The following TRPS1 variants were observed in gnomAD, a reference collection of about 807,000 sequenced individuals.
The protein encoded by TRPS1 is zinc finger transcription factor Trps1.
TRPS1 carries 6 observed loss-of-function variants against 101.2 expected under a neutral mutation model. The ratio of observed to expected loss-of-function variants is 0.06; its 90% CI spans 0.03 to 0.12. The LOEUF is 0.12. Among genes scored for constraint, TRPS1 ranks in the 10% least tolerant of loss-of-function variants. The pLI, the probability that TRPS1 is intolerant of heterozygous loss-of-function variation, is 1.00. For synonymous variants in TRPS1, 578 were observed against 589.8 expected (o/e 0.98, Z 0.29); for missense variants, 1,363 against 1,567.0 (o/e 0.87, Z 2.20).
intron 1 of TRPS1, among the ~76,000 whole-genome samples, chr8:115,643,657 G>T (rs112465200): frequency 7.2e-5 from 11 of 152,258 alleles, no homozygotes; most frequent in African/African-American, 2.6e-4. Context: ...ATGAGAGCTG[G>T]AATCAACTTC....
chr8:115,579,167 A>G (rs564321718), intron 5 of TRPS1, among the ~76,000 whole-genome samples: 16 of 152,262 alleles, frequency 1.1e-4, no homozygotes, highest in South Asian at 1.0e-3. Flanking sequence ...ATGGAAAGGT[A>G]GTAAGCTTAA....
intron 1 of TRPS1, among the ~76,000 whole-genome samples, chr8:115,624,906 T>C (rs1053240656): frequency 6.6e-6 from 1 of 151,884 alleles, no homozygotes; most frequent in Non-Finnish European, 1.5e-5. Context: ...TATCATTATC[T>C]AGATACTGTA....
At chr8:115,551,736 A>G (rs2130341634) in intron 5 of TRPS1, among the ~76,000 whole-genome samples, 1 of 152,298 alleles carries the variant, frequency 6.6e-6, no homozygotes, top group East Asian at 1.9e-4. Context: ...AGCATAATTG[A>G]GCAAAATATG....
intron 5 of TRPS1, among the ~76,000 whole-genome samples, chr8:115,522,763 G>T (rs1269707612): frequency 6.6e-6 from 1 of 151,994 alleles, no homozygotes; most frequent in Non-Finnish European, 1.5e-5. Context: ...TAATACATTG[G>T]TCTTACAGCA....
chr8:115,637,104 G>T (rs1818787581), intron 1 of TRPS1: 1 of 259,660 alleles, frequency 3.9e-6, no homozygotes, highest in Non-Finnish European at 6.0e-6. Context: ...AGAGAAGTAA[G>T]AATTGCACAG....
intron 5 of TRPS1, among the ~76,000 whole-genome samples, chr8:115,499,502 T>C (rs922406566): frequency 6.6e-6 from 1 of 152,036 alleles, no homozygotes; most frequent in African/African-American, 2.4e-5. Flanking sequence ...GAAGACAAAA[T>C]CTTCTTTTTA....
chr8:115,520,805 T>C (rs1815840519), intron 5 of TRPS1, among the ~76,000 whole-genome samples: 2 of 151,854 alleles, frequency 1.3e-5, no homozygotes. Flanking sequence ...GCCATTACCT[T>C]ATTGGACAGT....
At chr8:115,452,064 A>T (rs535843389) in intron 5 of TRPS1, among the ~76,000 whole-genome samples, 1 of 152,234 alleles carries the variant, frequency 6.6e-6, no homozygotes, top group South Asian at 2.1e-4. Context: ...AAGCTGTGTA[A>T]ATCTAACTTG....
intron 4 of TRPS1, among the ~76,000 whole-genome samples, chr8:115,601,690 A>C (rs1445622238): frequency 2.6e-5 from 4 of 152,228 alleles, no homozygotes; most frequent in Non-Finnish European, 4.4e-5. Flanking sequence ...AAATGAACAG[A>C]CAACTGTCAT....
At chr8:115,482,612 C>T (rs1814781941) in intron 5 of TRPS1, among the ~76,000 whole-genome samples, 1 of 152,078 alleles carries the variant, frequency 6.6e-6, no homozygotes, top group South Asian at 2.1e-4. Flanking sequence ...TTCCTTAAAC[C>T]CCAACAAAGT....
intron 5 of TRPS1, among the ~76,000 whole-genome samples, chr8:115,529,463 G>A (rs763491753): frequency 1.5e-4 from 23 of 151,858 alleles, no homozygotes; most frequent in Middle Eastern, 6.3e-3. Context: ...GGCATGATCC[G>A]GAAATCACTG....
chr8:115,663,459 G>C (rs370321399), intron 1 of TRPS1, among the ~76,000 whole-genome samples: 1 of 151,912 alleles, frequency 6.6e-6, no homozygotes, highest in African/African-American at 2.4e-5. Context: ...AAGGTGTCTA[G>C]CCACTTGTAA....
At chr8:115,498,094 T>C (rs1815194867) in intron 5 of TRPS1, among the ~76,000 whole-genome samples, 1 of 152,052 alleles carries the variant, frequency 6.6e-6, no homozygotes, top group Non-Finnish European at 1.5e-5. Context: ...AAAGAAATTA[T>C]AGGCTGGGTG....
At chr8:115,578,929 T>A (rs1817381944) in intron 5 of TRPS1, among the ~76,000 whole-genome samples, 1 of 152,082 alleles carries the variant, frequency 6.6e-6, no homozygotes, top group Non-Finnish European at 1.5e-5. Flanking sequence ...CACCCAAGTA[T>A]TTATTAGCAA....
rs115639446 is a variant in TRPS1 at position 115,558,225 on chromosome 8, A to G, written c.2700+28776T>C. Among the ~76,000 whole-genome samples the G allele has an allele frequency of 2.5e-3, 374 of 152,326 alleles. 2 individuals are homozygous for G. Among genetic ancestry groups the G allele is most frequent in the African/African-American group, 8.5e-3 (355 of 41,582 alleles). On this transcript the variant is annotated intron_variant, in intron 5 of 6. Transcript: ENST00000395715. ...AGGACACATGATGATAAACCATCTT[A>G]CTATAATTTAACTTAATCTAGCAGT...
At chr8:115,641,810 G>T (rs111324587) in intron 1 of TRPS1, among the ~76,000 whole-genome samples, 14,322 of 152,134 alleles carry the variant, frequency 0.094, 2,311 homozygotes, top group African/African-American at 0.32. Context: ...AACCTGGGAG[G>T]CGGAGGTTGC....
chr8:115,615,409 G>C (rs751160520), intron 3 of TRPS1, among the ~76,000 whole-genome samples: 1 of 152,160 alleles, frequency 6.6e-6, no homozygotes, highest in Non-Finnish European at 1.5e-5. Context: ...AACAGCAAAG[G>C]CCGCGTTGTT....
intron 1 of TRPS1, among the ~76,000 whole-genome samples, chr8:115,659,626 A>C (rs1215216849): frequency 1.3e-5 from 2 of 151,932 alleles, no homozygotes; most frequent in Non-Finnish European, 2.9e-5. Context: ...CAAATACAAA[A>C]CTTTCTTTTA....
At chr8:115,650,957 T>C (rs1002441410) in intron 1 of TRPS1, among the ~76,000 whole-genome samples, 3 of 152,148 alleles carry the variant, frequency 2.0e-5, no homozygotes, top group African/African-American at 7.2e-5. Context: ...TGGGCCCACT[T>C]ACAAGTAACT....
Sources: allele counts gnomAD v4.1 joint callset (sites outside exome capture counted in the v4.1 genomes callset), GRCh38; gene constraint gnomAD v4.1.1; transcripts MANE v1.5; gene names NCBI Gene and HGNC (gene_info 2026-07-23, HGNC 2026-07-21).